Variants in LPO observed in about 807,000 individuals in gnomAD.
The protein encoded by LPO is lactoperoxidase, also known as salivary peroxidase.
LPO carries 70 observed loss-of-function variants against 68.4 expected under a neutral mutation model. The observed-to-expected ratio is 1.02, with a 90% CI of 0.84 to 1.25. The LOEUF is 1.25. LPO is among the 50% of genes most tolerant of loss of function. LPO has a pLI of 0.00. For synonymous variants in LPO, 360 were observed against 357.6 expected (o/e 1.01, Z -0.08); for missense variants, 873 against 908.4 (o/e 0.96, Z 0.50).
chr17:58,241,737 T>C (rs1478695735), intron 1 of LPO, among the ~76,000 whole-genome samples: 1 of 151,858 alleles, frequency 6.6e-6, no homozygotes, highest in Admixed American at 6.6e-5. Context: ...TGGCAAAAAG[T>C]ACAACAAGAT....
At chr17:58,244,743 C>T (rs1286637868) in intron 3 of LPO, among the ~76,000 whole-genome samples, 9 of 152,160 alleles carry the variant, frequency 5.9e-5, no homozygotes, top group East Asian at 5.8e-4. Context: ...GTGGAATTCC[C>T]GGGCACCCCC....
At chr17:58,239,832 A>G (rs8178281) in intron 1 of LPO, among the ~76,000 whole-genome samples, 1,924 of 152,252 alleles carry the variant, frequency 0.013, 26 homozygotes, top group Middle Eastern at 0.031. Flanking sequence ...CAAAATCCCT[A>G]GGTGATAGTA....
chr17:58,249,875 C>T (rs1168682505), intron 6 of LPO, among the ~76,000 whole-genome samples, 180 bp downstream of exon 6: 7 of 152,210 alleles, frequency 4.6e-5, no homozygotes, highest in African/African-American at 1.7e-4. Context: ...GGAGCCCGGC[C>T]ACGTGGCGGT....
chr17:58,267,648 G>A, intron 12 of LPO, 62 bp downstream of exon 12: 1 of 1,505,448 alleles, frequency 6.6e-7, no homozygotes, highest in South Asian at 1.2e-5. Context: ...GGTGTCCCAA[G>A]GTCCTGCGTG....
chr17:58,249,082 ACT>A lies in LPO; in HGVS notation c.349_350del (p.Leu117ValfsTer30). 1 of 1,614,106 alleles carries A rather than the reference ACT, an allele frequency of 6.2e-7. No individual in the cohort carries two copies. The highest frequency in any genetic ancestry group is 8.5e-7 in the Non-Finnish European group (1 of 1,180,000). On this transcript the variant is annotated frameshift_variant, in exon 5 of 13. Transcript: ENST00000262290. LOFTEE classifies it high-confidence loss of function. Reference protein sequence around the residue: ...VTDPSLDLTSLSLEVGCGAPA... With the variant: ...VTDPSLDLTSXSLEVGCGAPA... ...CAGATCCCAGCCTGGACTTGACTTC[ACT>A]GTCTCTGGAGGTGGGCTGTGGTGCT... is the stretch of plus-strand genomic sequence containing the variant.
At chr17:58,248,865 C>T (rs961175425) in intron 4 of LPO, among the ~76,000 whole-genome samples, 195 bp from the exon 5 acceptor site, 2 of 152,142 alleles carry the variant, frequency 1.3e-5, no homozygotes, top group African/African-American at 4.8e-5. Context: ...TCATTTTCTT[C>T]CCTGTAAAAT....
At position 58,249,060 on chromosome 17, in the gene LPO, AT is replaced by A; in HGVS notation, c.327del (p.Ser111AlafsTer4). ...RQKASLTNVT[D>X]PSLDLTSLSL... ...CCCTTTGGGGTCCCTTCTGTTTCAG[AT>A]CCCAGCCTGGACTTGACTTCACTGT... is the stretch of plus-strand genomic sequence containing the variant. On this transcript the variant is annotated frameshift_variant and splice_region_variant, in exon 5 of 13. Coordinates refer to ENST00000262290, the MANE Select transcript of LPO (RefSeq NM_006151.3). LOFTEE classifies it high-confidence loss of function. The A allele has an allele frequency of 6.2e-7, 1 of 1,613,578 alleles. No homozygotes were observed. Among genetic ancestry groups the A allele is most frequent in the Non-Finnish European group, 8.5e-7 (1 of 1,179,520 alleles).
At chr17:58,266,062 A>G in intron 10 of LPO, 91 bp from the exon 11 acceptor site, 1 of 1,289,804 alleles carries the variant, frequency 7.8e-7, no homozygotes, top group South Asian at 1.4e-5. Flanking sequence ...TTCAACTAAG[A>G]GAAAATGTCT....
chr17:58,242,378 C>T (rs752252524), intron 1 of LPO, among the ~76,000 whole-genome samples: 1 of 152,178 alleles, frequency 6.6e-6, no homozygotes, highest in Non-Finnish European at 1.5e-5. Context: ...ATCAAGTTGG[C>T]ACTTTGAGGG....
Position 58,267,768 on chromosome 17 carries a change from T to C in LPO, c.1932-19T>C. ...GCCAGCGGCCAGACTGTGGAGTGAC[T>C]CTACTTCTGTCTCTGCAGGTTCTGG... On this transcript the variant is annotated intron_variant, in intron 12 of 12. Transcript: ENST00000262290. 6.2e-7 allele frequency: 1 copy of C among 1,610,458 alleles called. No individual in the cohort carries two copies. Among genetic ancestry groups the C allele is most frequent in the South Asian group, 1.1e-5 (1 of 90,950 alleles).
intron 10 of LPO, 134 bp from the exon 11 acceptor site, chr17:58,266,019 T>G (rs1970256065): frequency 1.2e-6 from 1 of 802,936 alleles, no homozygotes; most frequent in Non-Finnish European, 2.0e-6. Flanking sequence ...CTTCTCTCCC[T>G]CCTTCCAGCC....
intron 7 of LPO, chr17:58,251,716 C>T (rs1017640807): frequency 1.1e-5 from 4 of 363,958 alleles, no homozygotes; most frequent in African/African-American, 2.1e-5. Context: ...TTTTCTGAGC[C>T]CCAGTTTTCT....
intron 9 of LPO, among the ~76,000 whole-genome samples, chr17:58,259,804 C>G (rs1056613848): frequency 6.6e-6 from 1 of 151,830 alleles, no homozygotes; most frequent in African/African-American, 2.4e-5. Flanking sequence ...AGATTTATAC[C>G]TCAGTATTTA....
chr17:58,263,766 A>G (rs550197548), intron 9 of LPO, among the ~76,000 whole-genome samples: 12 of 152,196 alleles, frequency 7.9e-5, no homozygotes, highest in Admixed American at 6.5e-4. Context: ...ATTTTAGCAC[A>G]TAGTTACCTT....
At chr17:58,258,277 T>A (rs552228815) in intron 9 of LPO, among the ~76,000 whole-genome samples, 8 of 152,208 alleles carry the variant, frequency 5.3e-5, no homozygotes, top group Admixed American at 5.2e-4. Context: ...CAGTTTGAGG[T>A]CTTAGATTTG....
intron 1 of LPO, among the ~76,000 whole-genome samples, chr17:58,241,542 A>G (rs547327109): frequency 6.6e-6 from 1 of 152,306 alleles, no homozygotes; most frequent in South Asian, 2.1e-4. Context: ...AAGTTGCAAA[A>G]TATGGTGACA....
chr17:58,262,631 G>T (rs1970195811), intron 9 of LPO, among the ~76,000 whole-genome samples: 1 of 152,198 alleles, frequency 6.6e-6, no homozygotes, highest in African/African-American at 2.4e-5. Flanking sequence ...GACCTCAGAT[G>T]ATCCACCCGC....
chr17:58,262,233 A>G (rs546552332), intron 9 of LPO, among the ~76,000 whole-genome samples: 58 of 152,216 alleles, frequency 3.8e-4, no homozygotes, highest in African/African-American at 1.3e-3. Flanking sequence ...TTGTGTGAGA[A>G]TGTCTTTATT....
chr17:58,264,703 G>C lies in LPO; in HGVS notation c.1267-19G>C. The C allele has an allele frequency of 6.2e-7, 1 of 1,612,754 alleles. No individual in the cohort carries two copies. Among genetic ancestry groups the C allele is most frequent in the Non-Finnish European group, 8.5e-7 (1 of 1,179,504 alleles). ...AAACCTTCTTACACCCTTTCCTCTTGATTTTATTCTCCCTCCAGATTATCA... is the reference window on the plus strand; with the variant it reads ...AAACCTTCTTACACCCTTTCCTCTTCATTTTATTCTCCCTCCAGATTATCA... On this transcript the variant is annotated intron_variant, in intron 9 of 12. Coordinates refer to ENST00000262290, the MANE Select transcript of LPO (RefSeq NM_006151.3).
Sources: gnomAD v4.1 joint callset for allele counts (sites outside exome capture counted in the v4.1 genomes callset) on GRCh38, gnomAD v4.1.1 for gene constraint, MANE v1.5 for transcripts, NCBI Gene and HGNC (gene_info 2026-07-23, HGNC 2026-07-21) for gene names.